Variants in TMEM63C observed in about 807,000 individuals in gnomAD.
The protein encoded by TMEM63C is transmembrane protein 63C, also known as osmosensitive cation channel TMEM63C.
A neutral mutation model predicts 99.2 loss-of-function variants in TMEM63C; 32 were observed. The ratio of observed to expected loss-of-function variants is 0.32; its 90% CI spans 0.24 to 0.43. The LOEUF is 0.43. TMEM63C is among the 20% of genes least tolerant of loss of function. The pLI, the probability that TMEM63C is intolerant of heterozygous loss-of-function variation, is 1.00. For missense variants in TMEM63C, 826 were observed against 1,053.0 expected (o/e 0.78, Z 2.98); for synonymous variants, 376 against 397.9 (o/e 0.94, Z 0.66).
At chr14:77,212,732 G>T (rs1403828090) in intron 1 of TMEM63C, among the ~76,000 whole-genome samples, 1 of 152,200 alleles carries the variant, frequency 6.6e-6, no homozygotes, top group Non-Finnish European at 1.5e-5. Flanking sequence ...TGAGGTGGGA[G>T]AGGGTGAGGA....
chr14:77,225,867 G>A (rs1021250012), intron 6 of TMEM63C, among the ~76,000 whole-genome samples: 1 of 152,010 alleles, frequency 6.6e-6, no homozygotes, highest in Non-Finnish European at 1.5e-5. Context: ...AGAAGGGCAG[G>A]CCTCGCTCGG....
Position 77,259,236 on chromosome 14 carries a change from G to C in TMEM63C, c.*2510G>C, listed in dbSNP as rs924113949. The C allele has an allele frequency of 4.2e-4, 64 of 152,304 alleles. No homozygotes were observed. Among genetic ancestry groups the C allele is most frequent in the African/African-American group, 1.5e-3 (61 of 41,448 alleles). 9.4% of individuals were successfully genotyped at this position (152,304 alleles called of 1,614,324 possible). A position where few individuals can be genotyped will look rare whatever the true frequency, so the allele number is the denominator to read the frequency against. On this transcript the variant is annotated 3_prime_UTR_variant, in exon 24 of 24. Coordinates refer to ENST00000298351, the MANE Select transcript of TMEM63C (RefSeq NM_020431.4). ...TTAATCCTTTCTGGAAGGAGCTGCC[G>C]CCCAGGAACCGGTATTGCCTAGAGC...
At chr14:77,242,725 G>C (rs775962767) in intron 14 of TMEM63C, among the ~76,000 whole-genome samples, 178 bp from the exon 15 acceptor site, 2 of 152,132 alleles carry the variant, frequency 1.3e-5, no homozygotes, top group Non-Finnish European at 2.9e-5. Flanking sequence ...CTATGCTCTG[G>C]ATCCTTTATA....
chr14:77,193,511 C>A (rs1054016985), intron 1 of TMEM63C, among the ~76,000 whole-genome samples: 6 of 151,916 alleles, frequency 3.9e-5, no homozygotes, highest in African/African-American at 1.5e-4. Flanking sequence ...GCCTAGGCAA[C>A]AAAGTGAGAC....
intron 2 of TMEM63C, among the ~76,000 whole-genome samples, chr14:77,216,143 A>AGC (rs1372718707): frequency 1.3e-5 from 2 of 151,232 alleles, no homozygotes; most frequent in Non-Finnish European, 3.0e-5. Context: ...AGAGAGAGAG[A>AGC]GAGCAACCAT....
At chr14:77,208,268 A>G (rs748651773) in intron 1 of TMEM63C, among the ~76,000 whole-genome samples, 3 of 152,154 alleles carry the variant, frequency 2.0e-5, no homozygotes, top group African/African-American at 4.8e-5. Context: ...CCTCCAGACA[A>G]ATTACTCCTC....
chr14:77,206,201 C>T (rs1179764253), intron 1 of TMEM63C, among the ~76,000 whole-genome samples: 1 of 148,564 alleles, frequency 6.7e-6, no homozygotes, highest in Admixed American at 6.7e-5. Flanking sequence ...CAGTAGCTAC[C>T]ATCTTCCACT....
intron 1 of TMEM63C, among the ~76,000 whole-genome samples, chr14:77,196,561 G>A (rs983704687): frequency 2.6e-5 from 4 of 152,302 alleles, no homozygotes; most frequent in Admixed American, 2.6e-4. Flanking sequence ...GCCTCCTGGT[G>A]GTTCTTTGCC....
At chr14:77,190,332 T>C (rs1442927126) in intron 1 of TMEM63C, among the ~76,000 whole-genome samples, 2 of 152,146 alleles carry the variant, frequency 1.3e-5, no homozygotes, top group Non-Finnish European at 1.5e-5. Context: ...CTAGTTTCTA[T>C]CAAACCTCCA....
intron 20 of TMEM63C, 139 bp from the exon 21 acceptor site, chr14:77,249,152 C>T (rs1889315234): frequency 7.8e-6 from 7 of 894,466 alleles, no homozygotes; most frequent in Admixed American, 2.1e-5. Context: ...GTCAGTACCA[C>T]GGAGCTCCCC....
chr14:77,210,165 T>C (rs940476923), intron 1 of TMEM63C, among the ~76,000 whole-genome samples: 2 of 152,208 alleles, frequency 1.3e-5, no homozygotes, highest in Non-Finnish European at 2.9e-5. Context: ...CTGGTGCTTT[T>C]ATGTCTTGGC....
chr14:77,248,433 G>T lies in TMEM63C; in HGVS notation c.1688G>T (p.Arg563Leu). 6.3e-7 allele frequency: 1 copy of T among 1,588,880 alleles called. No homozygotes were observed. Among genetic ancestry groups the T allele is most frequent in the Non-Finnish European group, 8.6e-7 (1 of 1,168,050 alleles). Residue 563 changes from arginine (R) to leucine (L), a missense_variant, in exon 19 of 24, where the codon CGT (arginine) becomes CTT (leucine). Coordinates refer to ENST00000298351, the MANE Select transcript of TMEM63C (RefSeq NM_020431.4). Reference sequence around the variant, plus strand: ...CTTGGCACAGGCATGGAGCTGCTGCGTCTGGGGTCACTCTTCTGCTACAGC... The same window carrying T: ...CTTGGCACAGGCATGGAGCTGCTGCTTCTGGGGTCACTCTTCTGCTACAGC... ...ALLGTGMELL[R>L]LGSLFCYSTR...
chr14:77,245,875 A>G, intron 16 of TMEM63C, 65 bp from the exon 17 acceptor site: 1 of 1,167,810 alleles, frequency 8.6e-7, no homozygotes, highest in East Asian at 2.3e-5. Flanking sequence ...TCTCTATTAC[A>G]TAGTTAGGCC....
chr14:77,204,141 G>A (rs1300568064), intron 1 of TMEM63C, among the ~76,000 whole-genome samples: 1 of 152,248 alleles, frequency 6.6e-6, no homozygotes, highest in African/African-American at 2.4e-5. Flanking sequence ...TGTTACCACG[G>A]AGACAAGAAT....
chr14:77,198,571 T>C (rs1025077838), intron 1 of TMEM63C, among the ~76,000 whole-genome samples: 1 of 152,204 alleles, frequency 6.6e-6, no homozygotes, highest in African/African-American at 2.4e-5. Context: ...GCGATTCTGA[T>C]CAGACCATCA....
intron 16 of TMEM63C, 38 bp from the exon 17 acceptor site, chr14:77,245,902 C>G (rs1889261965): frequency 6.6e-7 from 1 of 1,509,538 alleles, no homozygotes; most frequent in East Asian, 2.3e-5. Flanking sequence ...TCTTATTAGG[C>G]CACGTCCATT....
intron 5 of TMEM63C, 65 bp downstream of exon 5, chr14:77,220,152 C>T (rs1888665418): frequency 2.8e-6 from 4 of 1,438,540 alleles, no homozygotes; most frequent in Non-Finnish European, 9.5e-7. Context: ...GTGGTGTGCA[C>T]AGGAAGAAAC....
Position 77,239,741 on chromosome 14 carries a change from C to T in TMEM63C, c.930+15C>T, listed in dbSNP as rs369523660. 123 of 1,611,810 alleles carry T rather than the reference C, an allele frequency of 7.6e-5. No individual in the cohort carries two copies. In the African/African-American group the frequency reaches 1.1e-3, roughly 15 times the overall value. ...GCTTCAAGGAGGTAACTGGCTTGAG[C>T]GTTGGGAGCACAGCAAGGGAGCGGT... On this transcript the variant is annotated intron_variant, in intron 12 of 23. Coordinates refer to ENST00000298351, the MANE Select transcript of TMEM63C (RefSeq NM_020431.4).
chr14:77,230,559 T>C (rs902276616), intron 6 of TMEM63C, among the ~76,000 whole-genome samples: 2 of 152,168 alleles, frequency 1.3e-5, no homozygotes, highest in East Asian at 3.9e-4. Flanking sequence ...GCATTACACC[T>C]GAGCTCTGCC....
Sources: allele counts gnomAD v4.1 joint callset (sites outside exome capture counted in the v4.1 genomes callset), GRCh38; gene constraint gnomAD v4.1.1; transcripts MANE v1.5; gene names NCBI Gene and HGNC (gene_info 2026-07-23, HGNC 2026-07-21).